KAZN: variants seen among roughly 807,000 people sequenced by gnomAD.
The protein encoded by KAZN is kazrin, periplakin interacting protein.
Under a neutral mutation model 87.4 loss-of-function variants are expected in KAZN, and 40 were observed. That is an observed-to-expected ratio of 0.46 (90% CI 0.36 to 0.60). The LOEUF is 0.60. Among genes scored for constraint, KAZN ranks in the 20% least tolerant of loss-of-function variants. The pLI is 0.00. For synonymous variants in KAZN, 466 were observed against 458.3 expected (o/e 1.02, Z -0.22); for missense variants, 898 against 1,073.9 (o/e 0.84, Z 2.29).
chr1:14,625,099 TC>T (rs1361905688), intron 1 of KAZN, among the ~76,000 whole-genome samples: 5 of 151,500 alleles, frequency 3.3e-5, no homozygotes, highest in South Asian at 2.1e-4. Flanking sequence ...CCCTGGAGGG[TC>T]CCCCCCGACA....
chr1:14,600,106 T>G (rs1676839369), intron 1 of KAZN, among the ~76,000 whole-genome samples: 1 of 152,200 alleles, frequency 6.6e-6, no homozygotes, highest in South Asian at 2.1e-4. Context: ...GGGGGATTTT[T>G]TTTTTCTTTT....
intron 3 of KAZN, 82 bp from the exon 4 acceptor site, chr1:15,043,907 G>C: frequency 2.2e-6 from 3 of 1,390,408 alleles, no homozygotes; most frequent in Non-Finnish European, 1.9e-6. Context: ...CCATCTAGGA[G>C]TTAGGCCCCC....
intron 1 of KAZN, among the ~76,000 whole-genome samples, chr1:14,809,434 C>T (rs957780505): frequency 6.6e-6 from 1 of 152,198 alleles, no homozygotes; most frequent in African/African-American, 2.4e-5. Context: ...CCTGCTCACA[C>T]CTATGTGCCG....
intron 1 of KAZN, among the ~76,000 whole-genome samples, chr1:14,914,680 C>A (rs1657608354): frequency 6.6e-6 from 1 of 152,170 alleles, no homozygotes; most frequent in South Asian, 2.1e-4. Flanking sequence ...GGCTCCATCC[C>A]AGTCCCATTG....
chr1:14,666,870 G>C (rs1024921420), intron 1 of KAZN, among the ~76,000 whole-genome samples: 4 of 152,088 alleles, frequency 2.6e-5, no homozygotes, highest in Non-Finnish European at 5.9e-5. Context: ...CGAGTAGCTG[G>C]GACTACAGGC....
At chr1:14,594,537 A>T (rs551821340), upstream of KAZN, among the ~76,000 whole-genome samples, 1 of 152,262 alleles carries the variant, frequency 6.6e-6, no homozygotes, top group East Asian at 1.9e-4. Flanking sequence ...ACAGTGGAAA[A>T]ATGATAGCAA....
At chr1:14,643,486 G>A (rs958039444) in intron 1 of KAZN, among the ~76,000 whole-genome samples, 1 of 152,128 alleles carries the variant, frequency 6.6e-6, no homozygotes, top group African/African-American at 2.4e-5. Flanking sequence ...CTATGTTCCT[G>A]CAAAAGACAT....
intron 1 of KAZN, among the ~76,000 whole-genome samples, chr1:14,801,981 G>C (rs1013589887): frequency 3.9e-5 from 6 of 152,090 alleles, no homozygotes; most frequent in Non-Finnish European, 8.8e-5. Flanking sequence ...ACCGTGCCTG[G>C]CCTCTCTCCT....
intron 2 of KAZN, among the ~76,000 whole-genome samples, chr1:14,985,305 GAA>G (rs1666690670): frequency 7.0e-6 from 1 of 142,390 alleles, no homozygotes; most frequent in African/African-American, 3.0e-5. Flanking sequence ...CAAGGTGGGA[GAA>G]TCACATGAGC....
At chr1:14,876,677 C>G (rs888106192) in intron 1 of KAZN, among the ~76,000 whole-genome samples, 2 of 152,142 alleles carry the variant, frequency 1.3e-5, no homozygotes, top group African/African-American at 4.8e-5. Context: ...GATAATGATG[C>G]TAATGATAGT....
chr1:14,986,535 C>T lies in KAZN; in HGVS notation c.418+25660C>T, dbSNP rs143105089. 3.0e-4 allele frequency among the ~76,000 whole-genome samples: 45 copies of T among 152,248 alleles called. 1 individual carries two copies. Among genetic ancestry groups the T allele is most frequent in the Admixed American group, 1.6e-3 (25 of 15,286 alleles). On this transcript the variant is annotated intron_variant, in intron 2 of 14. Transcript: ENST00000376030. Reference sequence around the variant, plus strand: ...TTGGTTGGTGCTTTCCAAGCAGTTCCGCAGTCCTGCTTGGTGCCAGCCTGA... The same window carrying T: ...TTGGTTGGTGCTTTCCAAGCAGTTCTGCAGTCCTGCTTGGTGCCAGCCTGA...
intron 2 of KAZN, among the ~76,000 whole-genome samples, chr1:14,981,405 G>A (rs532060532): frequency 1.3e-5 from 2 of 152,354 alleles, no homozygotes; most frequent in East Asian, 3.9e-4. Flanking sequence ...ACTCCCACTA[G>A]CTTATATGGA....
intron 2 of KAZN, among the ~76,000 whole-genome samples, chr1:14,314,867 C>T (rs1213167055): frequency 6.6e-6 from 1 of 152,066 alleles, no homozygotes; most frequent in Non-Finnish European, 1.5e-5. Flanking sequence ...AACCACTTCC[C>T]TACTTTGTGT....
chr1:14,392,971 T>G (rs1662582494), intron 2 of KAZN, among the ~76,000 whole-genome samples: 2 of 152,160 alleles, frequency 1.3e-5, no homozygotes, highest in South Asian at 4.1e-4. Flanking sequence ...CTCTAGGGAC[T>G]TCCTTCCATG....
rs1196840469 is a variant in KAZN, at chr1:14,933,940, C to T, written c.227-26744C>T. ...TCGGCTCACTGCAAGCTCCGCCTCC[C>T]GGGTTCACGCCATTCTCCTGCCTCC... On this transcript the variant is annotated intron_variant, in intron 1 of 14. Transcript: ENST00000376030. Among the ~76,000 whole-genome samples the T allele has an allele frequency of 4.6e-5, 7 of 151,484 alleles. No individual in the cohort carries two copies. The South Asian group carries it at 1.0e-3, about 23-fold the overall frequency.
At chr1:14,736,636 C>A (rs1392799449) in intron 1 of KAZN, among the ~76,000 whole-genome samples, 1 of 151,872 alleles carries the variant, frequency 6.6e-6, no homozygotes, top group Non-Finnish European at 1.5e-5. Flanking sequence ...TAACAGGGTC[C>A]CCAGATGGTT....
chr1:14,089,435 A>T (rs149562891), intron 1 of KAZN, among the ~76,000 whole-genome samples: 1 of 152,026 alleles, frequency 6.6e-6, no homozygotes, highest in Non-Finnish European at 1.5e-5. Context: ...ACTTTAGCTT[A>T]TTAGCCATTC....
chr1:14,697,968 A>G (rs16850736), intron 1 of KAZN, among the ~76,000 whole-genome samples: 8,429 of 152,218 alleles, frequency 0.055, 770 homozygotes, highest in African/African-American at 0.19. Context: ...AATGGGGATC[A>G]CTGAGGTAGA....
intron 2 of KAZN, among the ~76,000 whole-genome samples, chr1:14,429,295 G>A (rs2101369595): frequency 6.6e-6 from 1 of 152,300 alleles, no homozygotes; most frequent in East Asian, 1.9e-4. Context: ...ACAAAGGGAT[G>A]AGGGCCCTAT....
Sources: allele counts gnomAD v4.1 joint callset (sites outside exome capture counted in the v4.1 genomes callset), GRCh38; gene constraint gnomAD v4.1.1; transcripts MANE v1.5; gene names NCBI Gene and HGNC (gene_info 2026-07-23, HGNC 2026-07-21).